SPPL2A: variants seen among roughly 807,000 people sequenced by gnomAD.
SPPL2A encodes signal peptide peptidase-like 2A.
Under a neutral mutation model 63.8 loss-of-function variants are expected in SPPL2A, and 51 were observed. The observed-to-expected ratio is 0.80, with a 90% CI of 0.64 to 1.01. SPPL2A has a LOEUF of 1.01. Among genes scored for constraint, SPPL2A ranks in the 50% least tolerant of loss-of-function variants. The probability of loss-of-function intolerance (pLI) is 0.00; values close to 1 mark genes in which losing one functional copy is unlikely to be tolerated. For synonymous variants in SPPL2A, 188 were observed against 205.8 expected (o/e 0.91, Z 0.74); for missense variants, 553 against 622.7 (o/e 0.89, Z 1.19).
chr15:50,730,893 T>C, intron 10 of SPPL2A, 72 bp downstream of exon 10: 3 of 686,382 alleles, frequency 4.4e-6, no homozygotes, highest in Non-Finnish European at 5.3e-6. Flanking sequence ...GCAAAATTAA[T>C]AATCTAGGAG....
intron 14 of SPPL2A, among the ~76,000 whole-genome samples, chr15:50,712,170 C>T (rs2062564082): frequency 6.6e-6 from 1 of 152,130 alleles, no homozygotes; most frequent in East Asian, 1.9e-4. Context: ...TACGTAACAG[C>T]TAATACTTAG....
At chr15:50,717,810 T>G (rs2062608872) in intron 14 of SPPL2A, among the ~76,000 whole-genome samples, 1 of 152,110 alleles carries the variant, frequency 6.6e-6, no homozygotes, top group African/African-American at 2.4e-5. Context: ...TTTAATATTC[T>G]TTAGAAAGCC....
At chr15:50,732,917 T>C (rs376235995) in intron 8 of SPPL2A, among the ~76,000 whole-genome samples, 1 of 152,118 alleles carries the variant, frequency 6.6e-6, no homozygotes, top group Non-Finnish European at 1.5e-5. Context: ...GCTTCCCAAG[T>C]AGCTGGGACT....
intron 2 of SPPL2A, 96 bp downstream of exon 2, chr15:50,749,540 C>G (rs1017005847): frequency 2.5e-6 from 2 of 789,238 alleles, no homozygotes; most frequent in Admixed American, 1.9e-5. Context: ...CCCGCCTTGG[C>G]CTCCCAAAGT....
intron 1 of SPPL2A, among the ~76,000 whole-genome samples, chr15:50,751,003 G>A (rs1262024169): frequency 6.6e-6 from 1 of 152,154 alleles, no homozygotes; most frequent in African/African-American, 2.4e-5. Context: ...TTTCTAATGA[G>A]TATAGAAATG....
chr15:50,762,597 A>G (rs1301628516), intron 1 of SPPL2A, among the ~76,000 whole-genome samples: 1 of 152,178 alleles, frequency 6.6e-6, no homozygotes, highest in Non-Finnish European at 1.5e-5. Flanking sequence ...GGCCTTTCCA[A>G]TACTAAATCC....
chr15:50,709,496 A>T (rs564585225), intron 14 of SPPL2A, among the ~76,000 whole-genome samples: 1 of 152,128 alleles, frequency 6.6e-6, no homozygotes, highest in Admixed American at 6.5e-5. Context: ...GACAGCTTAC[A>T]AAATCAAAAC....
At chr15:50,747,985 C>A in intron 4 of SPPL2A, 128 bp downstream of exon 4, 1 of 469,376 alleles carries the variant, frequency 2.1e-6, no homozygotes, top group Non-Finnish European at 3.7e-6. Context: ...CAAACAAAAA[C>A]TTGATAGGCC....
chr15:50,724,092 A>G (rs975039479), intron 12 of SPPL2A, among the ~76,000 whole-genome samples: 1 of 152,220 alleles, frequency 6.6e-6, no homozygotes, highest in Admixed American at 6.5e-5. Flanking sequence ...AGGTTACTCA[A>G]TAGAATGTTT....
intron 14 of SPPL2A, among the ~76,000 whole-genome samples, chr15:50,708,272 A>G (rs1489057881): frequency 6.6e-6 from 1 of 152,236 alleles, no homozygotes; most frequent in Non-Finnish European, 1.5e-5. Context: ...AGTCACTGTG[A>G]GAATACCTGC....
intron 12 of SPPL2A, among the ~76,000 whole-genome samples, chr15:50,722,964 T>C (rs1567152984): frequency 6.6e-6 from 1 of 152,026 alleles, no homozygotes; most frequent in Non-Finnish European, 1.5e-5. Context: ...AACAACTCAA[T>C]AATAAGTAAA....
intron 8 of SPPL2A, among the ~76,000 whole-genome samples, chr15:50,735,328 G>A (rs1183229182): frequency 1.3e-5 from 2 of 151,944 alleles, no homozygotes; most frequent in African/African-American, 2.4e-5. Flanking sequence ...TAAATATAAC[G>A]TAATGTATTC....
intron 6 of SPPL2A, among the ~76,000 whole-genome samples, chr15:50,738,383 T>C (rs2062790777): frequency 6.6e-6 from 1 of 151,956 alleles, no homozygotes; most frequent in Non-Finnish European, 1.5e-5. Context: ...ATCCCGTCTG[T>C]ACTAACAATA....
At position 50,765,510 on chromosome 15, in the gene SPPL2A, G is replaced by A. The variant is rs939762872; in HGVS notation, c.24C>T (p.Ser8=). The A allele has an allele frequency of 2.0e-6, 3 of 1,500,494 alleles. No homozygotes were observed. The highest frequency in any genetic ancestry group is 2.9e-5 in the African/African-American group (2 of 69,124). 92.9% of individuals were successfully genotyped at this position (1,500,494 alleles called of 1,614,324 possible). Residue 8 remains serine (S), a synonymous_variant, in exon 1 of 15, where the codon TCC becomes TCT. Transcript: ENST00000261854. MGPQRRL[S]PAGAALLWGF... ...CCCAGAGTAGGGCGGCCCCGGCAGG[G>A]GACAGCCGCCGCTGCGGCCCCATCG...
At chr15:50,732,506 C>A in intron 9 of SPPL2A, 97 bp downstream of exon 9, 1 of 694,724 alleles carries the variant, frequency 1.4e-6, no homozygotes, top group South Asian at 1.9e-5. Context: ...AACAGTACGC[C>A]AAAAATTGGC....
At chr15:50,708,001 G>A (rs1284389863) in intron 14 of SPPL2A, 127 bp from the exon 15 acceptor site, 1 of 646,082 alleles carries the variant, frequency 1.5e-6, no homozygotes, top group Non-Finnish European at 2.8e-6. Flanking sequence ...ACTCCTTCTG[G>A]AGCACTGTTC....
At chr15:50,743,910 C>A (rs972811370) in intron 5 of SPPL2A, among the ~76,000 whole-genome samples, 3 of 152,074 alleles carry the variant, frequency 2.0e-5, no homozygotes, top group Non-Finnish European at 4.4e-5. Context: ...CGCAGTGGCT[C>A]ACACCTGTAA....
At chr15:50,717,976 T>G (rs1280386389) in intron 14 of SPPL2A, among the ~76,000 whole-genome samples, 10 of 124,650 alleles carry the variant, frequency 8.0e-5, no homozygotes, top group Admixed American at 7.8e-4. Context: ...TCGTTTTTTT[T>G]TTTTTTTTTT....
At chr15:50,737,122 G>C (rs2062777561) in intron 6 of SPPL2A, among the ~76,000 whole-genome samples, 1 of 152,050 alleles carries the variant, frequency 6.6e-6, no homozygotes, top group Non-Finnish European at 1.5e-5. Flanking sequence ...ATGTTGGCCA[G>C]GCTGGTCTCA....
Sources: gnomAD v4.1 joint callset for allele counts (sites outside exome capture counted in the v4.1 genomes callset) on GRCh38, gnomAD v4.1.1 for gene constraint, MANE v1.5 for transcripts, NCBI Gene and HGNC (gene_info 2026-07-23, HGNC 2026-07-21) for gene names.